The following SCAI variants were observed in gnomAD, a reference collection of about 807,000 sequenced individuals.
SCAI encodes the protein suppressor of cancer cell invasion, also known as protein SCAI.
SCAI carries 24 observed loss-of-function variants against 92.2 expected under a neutral mutation model. The ratio of observed to expected loss-of-function variants is 0.26; its 90% CI spans 0.19 to 0.37. The LOEUF (loss-of-function observed/expected upper bound fraction) is 0.37. Among genes scored for constraint, SCAI ranks in the 10% least tolerant of loss-of-function variants. SCAI has a pLI of 1.00. For missense variants in SCAI, 450 were observed against 736.2 expected (o/e 0.61, Z 4.50); for synonymous variants, 261 against 258.6 (o/e 1.01, Z -0.09).
At chr9:124,997,839 G>GC (rs1832270866) in intron 13 of SCAI, among the ~76,000 whole-genome samples, 2 of 143,874 alleles carry the variant, frequency 1.4e-5, no homozygotes, top group Admixed American at 7.2e-5. Flanking sequence ...TAGTGCCACT[G>GC]CACTCCAGCC....
At chr9:124,968,802 A>G (rs1831594410) in intron 17 of SCAI, 1 of 739,978 alleles carries the variant, frequency 1.4e-6, no homozygotes, top group Non-Finnish European at 2.4e-6. Flanking sequence ...TCCAGTGCGC[A>G]GGCCCCAGCA....
chr9:125,032,195 A>ATATATATTTTTTTT (rs1177865840), intron 3 of SCAI, among the ~76,000 whole-genome samples: 4 of 99,450 alleles, frequency 4.0e-5, no homozygotes, highest in East Asian at 6.5e-4. Context: ...ATATATATAT[A>ATATATATTTTTTTT]TTTTTTTTTT....
chr9:125,106,722 CTTTTTTTTT>C (rs34740170), intron 2 of SCAI, among the ~76,000 whole-genome samples: 1 of 113,336 alleles, frequency 8.8e-6, no homozygotes, highest in African/African-American at 3.3e-5. Flanking sequence ...TTTTCTTTTC[CTTTTTTTTT>C]TTTTTTTTTT....
chr9:125,105,383 C>T (rs1834755274), intron 2 of SCAI, among the ~76,000 whole-genome samples: 1 of 152,214 alleles, frequency 6.6e-6, no homozygotes, highest in Non-Finnish European at 1.5e-5. Flanking sequence ...AAGTCTGCTC[C>T]TATTCCCTTC....
chr9:125,038,291 T>A (rs1004481515), intron 3 of SCAI, among the ~76,000 whole-genome samples: 3 of 152,146 alleles, frequency 2.0e-5, no homozygotes, highest in African/African-American at 7.2e-5. Flanking sequence ...TTTTAAAGCA[T>A]CATTGAGAAA....
intron 2 of SCAI, among the ~76,000 whole-genome samples, chr9:125,095,735 C>A (rs1398909238): frequency 2.6e-5 from 4 of 152,122 alleles, no homozygotes; most frequent in African/African-American, 9.7e-5. Context: ...GGAATATGGA[C>A]ATAATATTGA....
chr9:125,070,611 C>G (rs187607285), intron 2 of SCAI, among the ~76,000 whole-genome samples: 201 of 152,152 alleles, frequency 1.3e-3, no homozygotes, highest in Middle Eastern at 6.8e-3. Context: ...GTTGGCCAGG[C>G]TGGTCTAGCA....
intron 3 of SCAI, among the ~76,000 whole-genome samples, chr9:125,051,085 T>C (rs899546806): frequency 6.6e-6 from 1 of 152,148 alleles, no homozygotes; most frequent in African/African-American, 2.4e-5. Context: ...TGCAGTGGTG[T>C]GATCGCAGCT....
At chr9:125,103,247 C>T (rs1174685848) in intron 2 of SCAI, among the ~76,000 whole-genome samples, 1 of 152,150 alleles carries the variant, frequency 6.6e-6, no homozygotes, top group Non-Finnish European at 1.5e-5. Flanking sequence ...TCATTGATGG[C>T]TTTCTCGCAG....
chr9:125,001,199 G>C (rs1343081535), intron 12 of SCAI, among the ~76,000 whole-genome samples: 1 of 152,184 alleles, frequency 6.6e-6, no homozygotes, highest in African/African-American at 2.4e-5. Context: ...CATTTTAAGA[G>C]AATCTGGAGG....
intron 2 of SCAI, among the ~76,000 whole-genome samples, chr9:125,064,308 C>T (rs1354818297): frequency 6.6e-6 from 1 of 152,030 alleles, no homozygotes; most frequent in Admixed American, 6.6e-5. Flanking sequence ...CAGAATATGT[C>T]TTTTTTATTC....
intron 3 of SCAI, among the ~76,000 whole-genome samples, chr9:125,046,339 A>ATG (rs199538830): frequency 4.6e-4 from 11 of 24,098 alleles, no homozygotes; most frequent in East Asian, 3.8e-3. Flanking sequence ...ACACATATAT[A>ATG]TATGTGTGTG....
intron 11 of SCAI, 58 bp downstream of exon 11, chr9:125,003,056 T>A (rs549470244): frequency 1.0e-5 from 11 of 1,105,194 alleles, no homozygotes; most frequent in African/African-American, 4.7e-5. Flanking sequence ...GAGTGACTCT[T>A]AGATTTTAGT....
At chr9:125,020,811 G>T (rs1210606883) in intron 6 of SCAI, 42 bp from the exon 7 acceptor site, 2 of 897,038 alleles carry the variant, frequency 2.2e-6, no homozygotes, top group East Asian at 2.8e-5. Flanking sequence ...GATTAAAAAA[G>T]AATGCTTTTT....
chr9:124,992,827 A>T (rs1447597320), intron 14 of SCAI, among the ~76,000 whole-genome samples: 2 of 152,238 alleles, frequency 1.3e-5, no homozygotes, highest in African/African-American at 4.8e-5. Flanking sequence ...CACAATATTA[A>T]AATCTAAAAT....
At chr9:125,059,760 G>C (rs1833737246) in intron 2 of SCAI, among the ~76,000 whole-genome samples, 1 of 152,182 alleles carries the variant, frequency 6.6e-6, no homozygotes, top group African/African-American at 2.4e-5. Context: ...AAGAACTGGT[G>C]AAGAATCACT....
intron 2 of SCAI, among the ~76,000 whole-genome samples, chr9:125,128,256 C>T (rs1835317912): frequency 6.6e-6 from 1 of 152,108 alleles, no homozygotes. Context: ...GTTCAAGGTG[C>T]TGTAAGCTGT....
chr9:125,053,623 GA>G (rs1271591079), intron 3 of SCAI, among the ~76,000 whole-genome samples: 1 of 152,032 alleles, frequency 6.6e-6, no homozygotes, highest in South Asian at 2.1e-4. Flanking sequence ...AATCCATAGA[GA>G]AAAAAATTAG....
At chr9:125,095,481 T>C (rs945526280) in intron 2 of SCAI, among the ~76,000 whole-genome samples, 3 of 152,244 alleles carry the variant, frequency 2.0e-5, no homozygotes, top group Admixed American at 1.3e-4. Context: ...ATCCCTATAA[T>C]AGATAGTCCT....
Sources: allele counts gnomAD v4.1 joint callset (sites outside exome capture counted in the v4.1 genomes callset), GRCh38; gene constraint gnomAD v4.1.1; transcripts MANE v1.5; gene names NCBI Gene and HGNC (gene_info 2026-07-23, HGNC 2026-07-21).